Variants in EPHA3 observed in about 807,000 individuals in gnomAD.
EPHA3 encodes ephrin type-A receptor 3.
In EPHA3, 42 loss-of-function variants were observed where a neutral mutation model predicts 107.1. The observed-to-expected ratio is 0.39, with a 90% confidence interval of 0.31 to 0.51. The LOEUF (loss-of-function observed/expected upper bound fraction) is 0.51, where lower values mean the gene tolerates loss of function less well. Ranked by LOEUF, EPHA3 falls within the 20% of genes least tolerant of loss-of-function variation. The probability of loss-of-function intolerance (pLI) is 0.78; values close to 1 mark genes in which losing one functional copy is unlikely to be tolerated. For missense variants in EPHA3, 1,183 were observed against 1,211.2 expected, an observed-to-expected ratio of 0.98 and a Z score of 0.35; for synonymous variants, 461 against 424.8, an observed-to-expected ratio of 1.09 and a Z score of -1.05.
At chr3:89,126,373 T>C (rs572588861) in intron 1 of EPHA3, among the ~76,000 whole-genome samples, 7 of 151,866 alleles carry the variant, frequency 4.6e-5, no homozygotes, top group African/African-American at 1.7e-4. Flanking sequence ...AATGCTGTTG[T>C]ATATTTTATT....
chr3:89,133,767 G>A (rs1442930427), intron 2 of EPHA3, among the ~76,000 whole-genome samples: 1 of 152,104 alleles, frequency 6.6e-6, no homozygotes, highest in Non-Finnish European at 1.5e-5. Context: ...AATTTGCTGA[G>A]CATAATCTTT....
intron 15 of EPHA3, among the ~76,000 whole-genome samples, chr3:89,458,479 G>A (rs900368132): frequency 6.6e-6 from 1 of 152,096 alleles, no homozygotes; most frequent in African/African-American, 2.4e-5. Context: ...CAAAAACTGA[G>A]GGAATAGACT....
intron 2 of EPHA3, among the ~76,000 whole-genome samples, chr3:89,134,706 A>G (rs557255588): frequency 1.3e-5 from 2 of 152,202 alleles, no homozygotes; most frequent in African/African-American, 4.8e-5. Flanking sequence ...CTCATCTTCA[A>G]GGCCCTTGTC....
At chr3:89,151,052 T>G (rs1212935362) in intron 2 of EPHA3, among the ~76,000 whole-genome samples, 1 of 152,068 alleles carries the variant, frequency 6.6e-6, no homozygotes, top group African/African-American at 2.4e-5. Context: ...GTAGAAGAAG[T>G]CTGATCTTTT....
intron 5 of EPHA3, among the ~76,000 whole-genome samples, chr3:89,361,198 G>A (rs1192204246): frequency 6.6e-6 from 1 of 151,004 alleles, no homozygotes; most frequent in Non-Finnish European, 1.5e-5. Flanking sequence ...AAGGTACAGA[G>A]AAGGCCTTCT....
intron 2 of EPHA3, among the ~76,000 whole-genome samples, chr3:89,141,623 T>C (rs915030897): frequency 2.0e-5 from 3 of 151,626 alleles, no homozygotes; most frequent in African/African-American, 7.3e-5. Flanking sequence ...ACCAATGTCC[T>C]ACATTAATAC....
intron 15 of EPHA3, among the ~76,000 whole-genome samples, chr3:89,458,317 T>C (rs950819058): frequency 5.3e-5 from 8 of 152,074 alleles, no homozygotes; most frequent in Non-Finnish European, 7.4e-5. Context: ...GTGCCAGTTA[T>C]ATCACAGAAG....
At chr3:89,445,060 G>A (rs956584086) in intron 13 of EPHA3, among the ~76,000 whole-genome samples, 7 of 152,166 alleles carry the variant, frequency 4.6e-5, no homozygotes, top group Admixed American at 3.3e-4. Flanking sequence ...GAGGCCAAGA[G>A]TTAGAGACTA....
At chr3:89,133,150 T>C (rs1376098024) in intron 2 of EPHA3, among the ~76,000 whole-genome samples, 1 of 152,172 alleles carries the variant, frequency 6.6e-6, no homozygotes, top group African/African-American at 2.4e-5. Context: ...TCCTTAAATC[T>C]CAGTCTACAC....
chr3:89,451,905 G>T (rs1710000111), intron 15 of EPHA3, among the ~76,000 whole-genome samples: 1 of 151,274 alleles, frequency 6.6e-6, no homozygotes, highest in Non-Finnish European at 1.5e-5. Flanking sequence ...GTGTGTGTGT[G>T]TTTGTGTGTG....
At chr3:89,193,510 T>C (rs1406283328) in intron 2 of EPHA3, among the ~76,000 whole-genome samples, 1 of 152,014 alleles carries the variant, frequency 6.6e-6, no homozygotes, top group Non-Finnish European at 1.5e-5. Flanking sequence ...TAAGTGCTAG[T>C]GTTTTATACT....
intron 10 of EPHA3, among the ~76,000 whole-genome samples, chr3:89,416,804 T>A (rs1237270256): frequency 6.6e-6 from 1 of 151,460 alleles, no homozygotes; most frequent in African/African-American, 2.4e-5. Flanking sequence ...TGTGTCCAGG[T>A]GTCCCACTTA....
intron 2 of EPHA3, among the ~76,000 whole-genome samples, chr3:89,134,437 A>T (rs1704270256): frequency 6.6e-6 from 1 of 151,738 alleles, no homozygotes; most frequent in Non-Finnish European, 1.5e-5. Context: ...CTCATTGTTC[A>T]GTTCCCACCT....
At chr3:89,215,708 C>T (rs144921900) in intron 3 of EPHA3, among the ~76,000 whole-genome samples, 21 of 151,890 alleles carry the variant, frequency 1.4e-4, no homozygotes, top group East Asian at 9.7e-4. Flanking sequence ...AACATTCTTA[C>T]GCAGGATTAC....
At chr3:89,290,757 C>T (rs1706191115) in intron 3 of EPHA3, among the ~76,000 whole-genome samples, 1 of 152,208 alleles carries the variant, frequency 6.6e-6, no homozygotes, top group East Asian at 1.9e-4. Flanking sequence ...TTTTCAGGCA[C>T]ATAAAGTTCA....
intron 2 of EPHA3, among the ~76,000 whole-genome samples, chr3:89,190,607 C>T (rs1705692153): frequency 6.6e-6 from 1 of 152,054 alleles, no homozygotes; most frequent in Non-Finnish European, 1.5e-5. Context: ...CTCTGATAAC[C>T]TTGAAATACA....
At chr3:89,472,045 A>G (rs954160768) in intron 15 of EPHA3, among the ~76,000 whole-genome samples, 1 of 152,194 alleles carries the variant, frequency 6.6e-6, no homozygotes, top group Non-Finnish European at 1.5e-5. Context: ...AAACAAACAA[A>G]CATCCAGTGG....
chr3:89,137,174 A>T (rs2107005803), intron 2 of EPHA3, among the ~76,000 whole-genome samples: 1 of 152,104 alleles, frequency 6.6e-6, no homozygotes, highest in Non-Finnish European at 1.5e-5. Context: ...CTATTCCTTT[A>T]ATATTTTATA....
chr3:89,424,221 A>T (rs1709412481), intron 11 of EPHA3, among the ~76,000 whole-genome samples: 1 of 151,438 alleles, frequency 6.6e-6, no homozygotes, highest in Admixed American at 6.6e-5. Flanking sequence ...AGTTTATTCC[A>T]AGTATGAAAA....
Sources: allele counts gnomAD v4.1 joint callset (sites outside exome capture counted in the v4.1 genomes callset), GRCh38; gene constraint gnomAD v4.1.1; transcripts MANE v1.5; gene names NCBI Gene and HGNC (gene_info 2026-07-23, HGNC 2026-07-21).